TRIM16: variants seen among roughly 807,000 people sequenced by gnomAD.
The protein encoded by TRIM16 is tripartite motif-containing protein 16.
In TRIM16, 33 loss-of-function variants were observed where a neutral mutation model predicts 50.4. The ratio of observed to expected loss-of-function variants is 0.65; its 90% CI spans 0.50 to 0.88. The LOEUF (loss-of-function observed/expected upper bound fraction) is 0.88, where lower values mean the gene tolerates loss of function less well. Among genes scored for constraint, TRIM16 ranks in the 40% least tolerant of loss-of-function variants. TRIM16 has a pLI of 0.00. For synonymous variants in TRIM16, 229 were observed against 270.7 expected, an observed-to-expected ratio of 0.85 and a Z score of 1.51; for missense variants, 581 against 686.8, an observed-to-expected ratio of 0.85 and a Z score of 1.72.
intron 9 of TRIM16, chr17:15,632,930 T>A: frequency 2.7e-6 from 1 of 375,746 alleles, no homozygotes; most frequent in Admixed American, 4.1e-5. Flanking sequence ...CAAGATGTAC[T>A]AGATGGCCAT....
In TRIM16 at chr17:15,681,150, A is replaced by G. The variant is rs1279173638; in HGVS notation, c.-678-197T>C. 1.8e-5 allele frequency: 9 copies of G among 489,642 alleles called. No homozygotes were observed. In the South Asian group the frequency reaches 3.2e-4, roughly 18 times the overall value. 30.3% of individuals were successfully genotyped at this position (489,642 alleles called of 1,614,324 possible). ...AATGAACATAAACTCAGGGAAAGGT[A>G]TGACCATTAACTGGGCTCAGGATCT... On this transcript the variant is annotated intron_variant, in intron 3 of 11. Transcript: ENST00000649191.
intron 4 of TRIM16, among the ~76,000 whole-genome samples, chr17:15,678,159 C>T (rs1225845482): frequency 1.3e-5 from 2 of 150,974 alleles, no homozygotes; most frequent in Non-Finnish European, 2.9e-5. Context: ...GCGAAGCTTG[C>T]AGTGAGCCGA....
At chr17:15,677,337 T>C in intron 5 of TRIM16, 57 bp from the exon 6 acceptor site, 4 of 968,470 alleles carry the variant, frequency 4.1e-6, no homozygotes, top group Non-Finnish European at 4.9e-6. Context: ...GACCACTCTA[T>C]TCTCAGTCCC....
At chr17:15,652,484 G>GAC (rs1987773630) in intron 6 of TRIM16, among the ~76,000 whole-genome samples, 1 of 56,738 alleles carries the variant, frequency 1.8e-5, no homozygotes, top group African/African-American at 8.9e-5. Flanking sequence ...TTTTTTTTGA[G>GAC]ACACAGTCTC....
chr17:15,644,328 G>T (rs1462340164), intron 7 of TRIM16, among the ~76,000 whole-genome samples: 2 of 152,084 alleles, frequency 1.3e-5, no homozygotes, highest in Non-Finnish European at 2.9e-5. Context: ...TGGGACTACA[G>T]GTATGTGCCA....
chr17:15,669,773 A>C (rs1164638406), intron 6 of TRIM16, among the ~76,000 whole-genome samples: 1 of 152,246 alleles, frequency 6.6e-6, no homozygotes, highest in Non-Finnish European at 1.5e-5. Flanking sequence ...TTGGTTATCT[A>C]AAAATTCCTG....
intron 6 of TRIM16, among the ~76,000 whole-genome samples, chr17:15,674,609 T>C (rs1049221018): frequency 1.3e-5 from 2 of 152,038 alleles, no homozygotes; most frequent in African/African-American, 2.4e-5. Flanking sequence ...GAAGCTTGAA[T>C]CCCTCAAGCC....
intron 6 of TRIM16, among the ~76,000 whole-genome samples, chr17:15,665,450 C>A (rs1167120679): frequency 3.9e-5 from 6 of 152,022 alleles, no homozygotes; most frequent in Non-Finnish European, 7.4e-5. Flanking sequence ...CAGAGCTTGC[C>A]ATGAGCCGAA....
chr17:15,652,037 T>C, intron 6 of TRIM16, 91 bp from the exon 7 acceptor site: 1 of 993,716 alleles, frequency 1.0e-6, no homozygotes, highest in Non-Finnish European at 1.2e-6. Context: ...TTTTCATTTT[T>C]AAAGAGAAGT....
Position 15,679,928 on chromosome 17 carries a change from C to A in TRIM16, c.-590+937G>T, listed in dbSNP as rs559791797. 6.1e-3 allele frequency among the ~76,000 whole-genome samples: 757 copies of A among 124,872 alleles called. 6 individuals are homozygous for A. Among genetic ancestry groups the A allele is most frequent in the Non-Finnish European group, 8.1e-3 (501 of 62,064 alleles). 81.9% of individuals were successfully genotyped at this position (124,872 alleles called of 152,430 possible). On this transcript the variant is annotated intron_variant, in intron 4 of 11. Transcript: ENST00000649191. ...CTCCAGCCTGGGCGAGAGAGCGAGA[C>A]TATGTCTCAAAAAAAAAAAAAAAGA...
rs1989238067 is a variant in TRIM16 at position 15,682,853 on chromosome 17, C to T, written c.-679+1G>A. 3.5e-6 allele frequency: 5 copies of T among 1,434,992 alleles called. No homozygotes were observed. The highest frequency in any genetic ancestry group is 4.6e-6 in the Non-Finnish European group (5 of 1,098,862). 88.9% of individuals were successfully genotyped at this position (1,434,992 alleles called of 1,614,324 possible). On this transcript the variant is annotated splice_donor_variant, in intron 3 of 11. Transcript: ENST00000649191. LOFTEE classifies it low-confidence loss of function (5UTR_SPLICE). ...ATCACCACCATTCTTCGCACACTCA[C>T]CACGCACCAGGTGCTTTCCATAAAT...
chr17:15,655,221 G>A (rs898049443), intron 6 of TRIM16, among the ~76,000 whole-genome samples: 14 of 152,254 alleles, frequency 9.2e-5, no homozygotes, highest in African/African-American at 3.4e-4. Flanking sequence ...TGGTCCACCC[G>A]CATACCATAG....
At chr17:15,631,553 T>G in intron 11 of TRIM16, 66 bp downstream of exon 11, 2 of 1,519,648 alleles carry the variant, frequency 1.3e-6, no homozygotes, top group Non-Finnish European at 1.8e-6. Context: ...GAGATGGCGG[T>G]TCTGACTTAG....
chr17:15,670,330 T>A (rs565360983), intron 6 of TRIM16, among the ~76,000 whole-genome samples: 14 of 152,302 alleles, frequency 9.2e-5, no homozygotes, highest in Middle Eastern at 3.4e-3. Context: ...CATGGCCTCA[T>A]CACAGTGCTC....
chr17:15,681,493 G>T (rs570397815), intron 3 of TRIM16, among the ~76,000 whole-genome samples: 1 of 152,214 alleles, frequency 6.6e-6, no homozygotes, highest in Admixed American at 6.5e-5. Context: ...TGTATGTGTC[G>T]TATCATTCAC....
intron 6 of TRIM16, among the ~76,000 whole-genome samples, chr17:15,652,618 G>A (rs971416703): frequency 1.3e-5 from 2 of 150,204 alleles, no homozygotes; most frequent in African/African-American, 2.5e-5. Context: ...CCACCACCAC[G>A]CCTGGCTCAT....
In TRIM16 at chr17:15,651,491, ACTGGGCTGGCTGACCCAGAAT is replaced by A. The variant is rs1186733400; in HGVS notation, c.98_118del (p.Asp33_Pro39del). The A allele has an allele frequency of 1.2e-5, 19 of 1,611,962 alleles. No individual in the cohort carries two copies. The highest frequency in any genetic ancestry group is 6.7e-5 in the African/African-American group (5 of 74,928). ...CGAGGAGCCCACGTCCTCTTCTTCC[ACTGGGCTGGCTGACCCAGAAT>A]CTGGGCTGGGTGACCCAGAGTCTGG... is the stretch of plus-strand genomic sequence containing the variant. On this transcript the variant is annotated inframe_deletion, in exon 7 of 12. Transcript: ENST00000649191.
chr17:15,677,323 A>G, intron 5 of TRIM16, 43 bp from the exon 6 acceptor site: 2 of 979,790 alleles, frequency 2.0e-6, no homozygotes, highest in Non-Finnish European at 2.4e-6. Flanking sequence ...TTCAAAAGAG[A>G]AAGGACCACT....
chr17:15,635,901 C>T, intron 9 of TRIM16, 135 bp downstream of exon 9: 1 of 779,472 alleles, frequency 1.3e-6, no homozygotes, highest in Admixed American at 2.7e-5. Context: ...GAATCTGCTT[C>T]TCTCTGTTCC....
Sources: gnomAD v4.1 joint callset for allele counts (sites outside exome capture counted in the v4.1 genomes callset) on GRCh38, gnomAD v4.1.1 for gene constraint, MANE v1.5 for transcripts, NCBI Gene and HGNC (gene_info 2026-07-23, HGNC 2026-07-21) for gene names.